ZER1: variants seen among roughly 807,000 people sequenced by gnomAD.
The protein encoded by ZER1 is protein zer-1 homolog.
Under a neutral mutation model 78.8 loss-of-function variants are expected in ZER1, and 11 were observed. That is an observed-to-expected ratio of 0.14 (90% CI 0.09 to 0.23). The LOEUF (loss-of-function observed/expected upper bound fraction) is 0.23. ZER1 is among the 10% of genes least tolerant of loss of function. The pLI is 1.00. For synonymous variants in ZER1, 400 were observed against 407.0 expected (o/e 0.98, Z 0.21); for missense variants, 588 against 996.9 (o/e 0.59, Z 5.52).
At position 128,730,132 on chromosome 9, in the gene ZER1, T is replaced by C. The variant is rs1862761952; in HGVS notation, c.*1205A>G. The C allele has an allele frequency of 6.6e-6, 1 of 152,502 alleles. No individual in the cohort carries two copies. The highest frequency in any genetic ancestry group is 6.5e-5 in the Admixed American group (1 of 15,278). 9.4% of individuals were successfully genotyped at this position (152,502 alleles called of 1,614,324 possible). ...GAAGAAAAAGCCATCACCCAAAGGC[T>C]GCCTCCAGGGTTAGCGCTGCTCCCC... On this transcript the variant is annotated 3_prime_UTR_variant, in exon 16 of 16. Coordinates refer to ENST00000291900, the MANE Select transcript of ZER1 (RefSeq NM_006336.4).
chr9:128,734,144 A>ATATATATATATATATATATATATATAT (rs1554784814), intron 14 of ZER1, among the ~76,000 whole-genome samples: 2 of 14,396 alleles, frequency 1.4e-4, no homozygotes, highest in African/African-American at 3.7e-4. Flanking sequence ...AAAAAAAAAA[A>ATATATATATATATATATATATATATAT]ATATATATAT....
chr9:128,741,031 T>A, intron 11 of ZER1, 144 bp from the exon 12 acceptor site: 1 of 625,486 alleles, frequency 1.6e-6, no homozygotes, highest in Non-Finnish European at 2.9e-6. Context: ...TACCCTCCAA[T>A]GCTCCTAGGT....
chr9:128,741,510 T>A, intron 11 of ZER1, 25 bp downstream of exon 11: 1 of 1,613,918 alleles, frequency 6.2e-7, no homozygotes, highest in South Asian at 1.1e-5. Context: ...CTGAGGCAGC[T>A]GCTGCTGCAG....
chr9:128,766,436 C>T (rs1455349079), intron 1 of ZER1, among the ~76,000 whole-genome samples: 1 of 151,858 alleles, frequency 6.6e-6, no homozygotes, highest in East Asian at 1.9e-4. Context: ...GCAGGAGTTA[C>T]CATCTACAAC....
intron 8 of ZER1, among the ~76,000 whole-genome samples, chr9:128,746,750 C>T (rs1003460485): frequency 1.3e-5 from 2 of 151,970 alleles, no homozygotes; most frequent in Non-Finnish European, 2.9e-5. Context: ...ATTCTCCTGC[C>T]TCAGCCTCCT....
intron 1 of ZER1, among the ~76,000 whole-genome samples, chr9:128,757,289 T>C (rs1863887858): frequency 6.6e-6 from 1 of 151,930 alleles, no homozygotes; most frequent in African/African-American, 2.4e-5. Context: ...GAGCCAGAGG[T>C]GGGCAAATTG....
chr9:128,748,864 G>A (rs1348547810), intron 8 of ZER1, among the ~76,000 whole-genome samples: 9 of 149,192 alleles, frequency 6.0e-5, no homozygotes, highest in Non-Finnish European at 8.9e-5. Context: ...GAGCCACCGT[G>A]GCCAGCTAAT....
intron 1 of ZER1, among the ~76,000 whole-genome samples, chr9:128,762,883 G>C (rs1204638150): frequency 6.6e-6 from 1 of 152,174 alleles, no homozygotes; most frequent in Non-Finnish European, 1.5e-5. Context: ...CTCTTGCCTG[G>C]GAAACTGGAA....
At position 128,753,382 on chromosome 9, in the gene ZER1, G is replaced by A. The variant is rs1309467946; in HGVS notation, c.528C>T (p.Arg176=). The change falls in exon 4 of 16, where the codon CGC becomes CGT. Residue 176 remains arginine (R), a synonymous_variant. Transcript: ENST00000291900. This position sits in a 1 kb window ranked among gnomAD's most constrained non-coding sequence, Gnocchi z 7.5. ...VKDFTFEGFS[R]LRFLNLGRMI... ...TGCGGCCCAAGTTGAGGAAGCGGAG[G>A]CGGCTGAAGCCCTCGAAGGTGAAAT... 4 of 1,614,064 alleles carry A rather than the reference G, an allele frequency of 2.5e-6. No homozygotes were observed. In the East Asian group the frequency reaches 6.7e-5, roughly 27 times the overall value.
chr9:128,742,037 C>T (rs2298042), intron 9 of ZER1, among the ~76,000 whole-genome samples, 196 bp from the exon 10 acceptor site: 5,347 of 152,320 alleles, frequency 0.035, 101 homozygotes, highest in Middle Eastern at 0.075. Flanking sequence ...TTAGCAGGCC[C>T]GGGTGCCGTT....
At chr9:128,735,731 C>A (rs545313028) in intron 13 of ZER1, among the ~76,000 whole-genome samples, 24 of 136,894 alleles carry the variant, frequency 1.8e-4, no homozygotes, top group Admixed American at 1.5e-3. Context: ...AGGGGAGAGG[C>A]ACCCTGGGAA....
At chr9:128,752,643 T>C (rs1243325312) in intron 5 of ZER1, 30 bp downstream of exon 5, 6 of 1,593,470 alleles carry the variant, frequency 3.8e-6, no homozygotes, top group Non-Finnish European at 3.4e-6. Context: ...AATGACACCC[T>C]ACCAGTAGCC....
chr9:128,750,975 G>A, intron 7 of ZER1, 147 bp downstream of exon 7: 2 of 1,383,964 alleles, frequency 1.4e-6, no homozygotes, highest in East Asian at 4.8e-5. Flanking sequence ...CAAGTCAAGT[G>A]CTGTGAGGCC....
intron 8 of ZER1, 151 bp downstream of exon 8, chr9:128,750,465 G>A (rs943832488): frequency 1.5e-4 from 134 of 910,300 alleles, no homozygotes; most frequent in Non-Finnish European, 2.1e-4. Context: ...ACTGTGGGAA[G>A]GGCCAGGTCC....
chr9:128,741,819 T>C lies in ZER1; in HGVS notation c.1598A>G (p.Lys533Arg). Residue 533 changes from lysine to arginine, a missense_variant, in exon 10 of 16, where the codon AAG becomes AGG. Transcript: ENST00000291900. ...ACTTACTGTCTTGTCCAGCAGCTTCTTCTGAATCAGCTTCAGCATGGTCTG... is the reference window on the plus strand; with the variant it reads ...ACTTACTGTCTTGTCCAGCAGCTTCCTCTGAATCAGCTTCAGCATGGTCTG... Reference protein sequence around the residue: ...FVVTMLKLIQKKLLDKTCDQV... With the variant: ...FVVTMLKLIQRKLLDKTCDQV... 1 of 1,614,214 alleles carries C rather than the reference T, an allele frequency of 6.2e-7. No individual in the cohort carries two copies. Among genetic ancestry groups the C allele is most frequent in the Non-Finnish European group, 8.5e-7 (1 of 1,180,018 alleles).
chr9:128,740,089 G>C lies in ZER1; in HGVS notation c.1884C>G (p.Ile628Met). The change falls in exon 13 of 16, where the codon ATC becomes ATG. Residue 628 changes from isoleucine to methionine, a missense_variant. Coordinates refer to ENST00000291900, the MANE Select transcript of ZER1 (RefSeq NM_006336.4). This position sits in a 1 kb window ranked among gnomAD's most constrained non-coding sequence, Gnocchi z 4.4. ...SNLLESKADG[I>M]EVSYNACGVL... ...CGCCGCAGGCATTGTAGGAAACCTCGATCCCATCGGCCTTGCTCTCCAACA... is the reference window on the plus strand; with the variant it reads ...CGCCGCAGGCATTGTAGGAAACCTCCATCCCATCGGCCTTGCTCTCCAACA... 1.9e-6 allele frequency: 3 copies of C among 1,611,804 alleles called. No homozygotes were observed. The highest frequency in any genetic ancestry group is 2.5e-6 in the Non-Finnish European group (3 of 1,178,188).
At chr9:128,752,947 A>T in intron 4 of ZER1, 98 bp from the exon 5 acceptor site, 22 of 1,438,854 alleles carry the variant, frequency 1.5e-5, no homozygotes, top group Admixed American at 1.2e-4. Flanking sequence ...GGGAGGGCCC[A>T]TTCCTGCCAC....
intron 13 of ZER1, 84 bp from the exon 14 acceptor site, chr9:128,735,515 G>T: frequency 7.6e-7 from 1 of 1,319,856 alleles, no homozygotes; most frequent in Non-Finnish European, 1.0e-6. Context: ...TCCCACTGGA[G>T]AATCCTAGTG....
intron 14 of ZER1, 106 bp from the exon 15 acceptor site, chr9:128,733,634 G>GT: frequency 9.8e-7 from 1 of 1,015,614 alleles, no homozygotes; most frequent in Non-Finnish European, 1.5e-6. Flanking sequence ...TCGGGGGTGT[G>GT]AAGGCACAGC....
Sources: allele counts gnomAD v4.1 joint callset (sites outside exome capture counted in the v4.1 genomes callset), GRCh38; gene constraint gnomAD v4.1.1; non-coding constraint Gnocchi (gnomAD v3.1); transcripts MANE v1.5; gene names NCBI Gene and HGNC (gene_info 2026-07-23, HGNC 2026-07-21).